Variants in BTBD16 observed in about 807,000 individuals in gnomAD.
BTBD16 encodes BTB/POZ domain-containing protein 16.
In BTBD16, 66 loss-of-function variants were observed where a neutral mutation model predicts 67.4. The ratio of observed to expected loss-of-function variants is 0.98; its 90% CI spans 0.80 to 1.20. The LOEUF is 1.20. Among genes scored for constraint, BTBD16 ranks in the 50% most tolerant of loss-of-function variants. BTBD16 has a pLI of 0.00. For synonymous variants in BTBD16, 242 were observed against 236.4 expected (o/e 1.02, Z -0.22); for missense variants, 634 against 616.0 (o/e 1.03, Z -0.31).
chr10:122,320,681 T>C (rs1192166172), intron 10 of BTBD16, among the ~76,000 whole-genome samples: 1 of 152,212 alleles, frequency 6.6e-6, no homozygotes, highest in Non-Finnish European at 1.5e-5. Context: ...GAGGATTTTC[T>C]AGATATCTTC....
intron 10 of BTBD16, among the ~76,000 whole-genome samples, chr10:122,328,177 G>T (rs577181264): frequency 6.6e-6 from 1 of 152,202 alleles, no homozygotes; most frequent in Non-Finnish European, 1.5e-5. Context: ...GGAAGTGAGC[G>T]AGTGTTATTT....
intron 7 of BTBD16, among the ~76,000 whole-genome samples, chr10:122,296,640 C>T (rs1031519255): frequency 8.5e-5 from 13 of 152,190 alleles, no homozygotes; most frequent in African/African-American, 3.1e-4. Context: ...ACATCTGTGA[C>T]CCTACCTGCC....
At chr10:122,333,408 A>C (rs2096458199) in intron 13 of BTBD16, among the ~76,000 whole-genome samples, 1 of 152,218 alleles carries the variant, frequency 6.6e-6, no homozygotes, top group Non-Finnish European at 1.5e-5. Flanking sequence ...AGGAACATGA[A>C]GAGTAAATAA....
Position 122,332,895 on chromosome 10 carries a change from C to T in BTBD16, c.1164+382C>T, listed in dbSNP as rs906911211. ...AACTGGCTCAACAAGAGACTCCATG[C>T]CAAGTCCATGTTTAAGCTTATAGGG... On this transcript the variant is annotated intron_variant, in intron 13 of 15. Coordinates refer to ENST00000260723, the MANE Select transcript of BTBD16 (RefSeq NM_144587.5). The T allele has an allele frequency of 5.1e-6, 5 of 985,076 alleles. No homozygotes were observed. The Admixed American group carries it at 3.1e-4, about 61-fold the overall frequency. 61.0% of individuals were successfully genotyped at this position (985,076 alleles called of 1,614,324 possible).
At chr10:122,318,732 C>T (rs1162164878) in intron 10 of BTBD16, among the ~76,000 whole-genome samples, 2 of 152,134 alleles carry the variant, frequency 1.3e-5, no homozygotes, top group East Asian at 3.9e-4. Flanking sequence ...ATTACAGGCA[C>T]ATGCCAACAC....
chr10:122,310,368 T>C (rs1161274941), intron 10 of BTBD16, among the ~76,000 whole-genome samples: 3 of 152,196 alleles, frequency 2.0e-5, no homozygotes, highest in Non-Finnish European at 2.9e-5. Context: ...TCCCCAGGGC[T>C]GACCAGCAAC....
chr10:122,273,221 GATATATATATATAT>G (rs71715395), intron 1 of BTBD16, among the ~76,000 whole-genome samples: 1 of 129,470 alleles, frequency 7.7e-6, no homozygotes, highest in African/African-American at 2.8e-5. Context: ...GCAACACAAA[GATATATATATATAT>G]ATATATATAT....
intron 4 of BTBD16, 134 bp from the exon 5 acceptor site, chr10:122,285,971 G>A (rs2096362851): frequency 2.3e-6 from 2 of 865,248 alleles, no homozygotes; most frequent in Admixed American, 4.5e-5. Flanking sequence ...TTTCTGAGAT[G>A]CCTGGGGAGG....
chr10:122,283,868 T>C lies in BTBD16; in HGVS notation c.185T>C (p.Ile62Thr), dbSNP rs751546180. 1.9e-6 allele frequency: 3 copies of C among 1,614,120 alleles called. No homozygotes were observed. Among genetic ancestry groups the C allele is most frequent in the Non-Finnish European group, 8.5e-7 (1 of 1,179,958 alleles). The change falls in exon 4 of 16, where the codon ATC (isoleucine) becomes ACC (threonine). Residue 62 changes from isoleucine to threonine, a missense_variant. Coordinates refer to ENST00000260723, the MANE Select transcript of BTBD16 (RefSeq NM_144587.5). ...CCCTTGAGGTTATGCATTTCACAAA[T>C]CCAGAAGTTTTTCTTTGAGAATTTC... ...RNPDRLCISQ[I>T]QKFFFENFKN...
chr10:122,334,422 T>C (rs12570474), intron 13 of BTBD16, among the ~76,000 whole-genome samples: 53,984 of 148,082 alleles, frequency 0.36, 10,293 homozygotes, highest in East Asian at 0.69. Flanking sequence ...GTCTTGATCT[T>C]CTGACCTCGT....
At chr10:122,303,402 T>C (rs1490379138) in intron 9 of BTBD16, among the ~76,000 whole-genome samples, 2 of 152,272 alleles carry the variant, frequency 1.3e-5, no homozygotes, top group Admixed American at 1.3e-4. Flanking sequence ...TGTTGTGTTC[T>C]CTCCATGTTG....
chr10:122,324,806 A>C (rs984060746), intron 10 of BTBD16, among the ~76,000 whole-genome samples: 1 of 152,226 alleles, frequency 6.6e-6, no homozygotes, highest in African/African-American at 2.4e-5. Flanking sequence ...AGTTCTTACT[A>C]ACTTTCCACT....
rs762924716 is a variant in BTBD16, at chr10:122,290,013, G to A, written c.475+15G>A. ...CACTAAAGTCGGTATGTATATACCCGTCTATATTCTGAGAATGCCATTGAA... is the reference window on the plus strand; with the variant it reads ...CACTAAAGTCGGTATGTATATACCCATCTATATTCTGAGAATGCCATTGAA... On this transcript the variant is annotated intron_variant, in intron 6 of 15. Coordinates refer to ENST00000260723, the MANE Select transcript of BTBD16 (RefSeq NM_144587.5). The A allele has an allele frequency of 2.8e-5, 42 of 1,505,166 alleles. No homozygotes were observed. Among genetic ancestry groups the A allele is most frequent in the Middle Eastern group, 1.7e-4 (1 of 5,854 alleles). 93.2% of individuals were successfully genotyped at this position (1,505,166 alleles called of 1,614,324 possible). A position where few individuals can be genotyped will look rare whatever the true frequency, so the allele number is the denominator to read the frequency against.
chr10:122,274,052 T>G (rs1590042123), intron 1 of BTBD16, among the ~76,000 whole-genome samples: 1 of 152,164 alleles, frequency 6.6e-6, no homozygotes, highest in Non-Finnish European at 1.5e-5. Flanking sequence ...GTGATGCAGG[T>G]GAAGTGCTGT....
intron 6 of BTBD16, among the ~76,000 whole-genome samples, chr10:122,290,730 T>A (rs1429665256): frequency 6.6e-6 from 1 of 151,468 alleles, no homozygotes; most frequent in East Asian, 1.9e-4. Flanking sequence ...AAAAAAAAAA[T>A]ACACGACGTG....
intron 3 of BTBD16, among the ~76,000 whole-genome samples, chr10:122,277,456 G>A (rs2096343316): frequency 6.6e-6 from 1 of 152,106 alleles, no homozygotes; most frequent in Non-Finnish European, 1.5e-5. Flanking sequence ...TTGCTATAAG[G>A]AAATACCTAA....
At chr10:122,319,571 T>C (rs1379425685) in intron 10 of BTBD16, among the ~76,000 whole-genome samples, 2 of 152,198 alleles carry the variant, frequency 1.3e-5, no homozygotes, top group Non-Finnish European at 2.9e-5. Context: ...TCTGTTCCTT[T>C]AAACCATATT....
rs545224099 is a variant in BTBD16 at position 122,289,069 on chromosome 10, C to T, written c.386-840C>T. 2.0e-5 allele frequency among the ~76,000 whole-genome samples: 3 copies of T among 152,228 alleles called. No individual in the cohort carries two copies. The East Asian group carries it at 5.8e-4, about 29-fold the overall frequency. ...ACCTTTTCCCTTCCTCCTGGAAATC[C>T]TTGGTGGCAGGGGTCCCCAGAGTGG... On this transcript the variant is annotated intron_variant, in intron 5 of 15. Coordinates refer to ENST00000260723, the MANE Select transcript of BTBD16 (RefSeq NM_144587.5).
At chr10:122,292,512 T>C (rs961757201) in intron 7 of BTBD16, among the ~76,000 whole-genome samples, 1 of 152,254 alleles carries the variant, frequency 6.6e-6, no homozygotes, top group African/African-American at 2.4e-5. Flanking sequence ...CACTGTACTA[T>C]TCCACTTCGC....
Sources: allele counts gnomAD v4.1 joint callset (sites outside exome capture counted in the v4.1 genomes callset), GRCh38; gene constraint gnomAD v4.1.1; transcripts MANE v1.5; gene names NCBI Gene and HGNC (gene_info 2026-07-23, HGNC 2026-07-21).